The following SPOCK3 variants were observed in gnomAD, a reference collection of about 807,000 sequenced individuals.
SPOCK3 encodes the protein SPARC (osteonectin), cwcv and kazal like domains proteoglycan 3.
Under a neutral mutation model 56.6 loss-of-function variants are expected in SPOCK3, and 30 were observed. The observed-to-expected ratio is 0.53, with a 90% CI of 0.40 to 0.72. SPOCK3 has a LOEUF of 0.72. SPOCK3 is among the 30% of genes least tolerant of loss of function. The pLI, the probability that SPOCK3 is intolerant of heterozygous loss-of-function variation, is 0.00. For synonymous variants in SPOCK3, 196 were observed against 183.3 expected, an observed-to-expected ratio of 1.07 and a Z score of -0.56; for missense variants, 527 against 530.0, an observed-to-expected ratio of 0.99 and a Z score of 0.06.
chr4:166,804,390 T>C (rs1742935485), intron 6 of SPOCK3, among the ~76,000 whole-genome samples: 1 of 152,052 alleles, frequency 6.6e-6, no homozygotes, highest in Non-Finnish European at 1.5e-5. Context: ...TATTACCTTA[T>C]TTACCTCCTA....
chr4:166,743,612 A>G (rs1200339271), intron 8 of SPOCK3, among the ~76,000 whole-genome samples: 1 of 151,514 alleles, frequency 6.6e-6, no homozygotes, highest in Non-Finnish European at 1.5e-5. Flanking sequence ...ACTGGTCAGA[A>G]AATGGGTGCA....
At chr4:166,924,250 C>T (rs1738822224) in intron 4 of SPOCK3, among the ~76,000 whole-genome samples, 1 of 152,074 alleles carries the variant, frequency 6.6e-6, no homozygotes, top group Admixed American at 6.6e-5. Flanking sequence ...TTGGTAGGTT[C>T]AGCCTATCAA....
chr4:166,806,715 G>A (rs1560878960), intron 6 of SPOCK3, among the ~76,000 whole-genome samples: 4 of 151,872 alleles, frequency 2.6e-5, no homozygotes, highest in Non-Finnish European at 5.9e-5. Context: ...TACTATTAAT[G>A]CATTGTCTTA....
At chr4:166,926,315 T>C (rs1206904923) in intron 4 of SPOCK3, among the ~76,000 whole-genome samples, 5 of 152,168 alleles carry the variant, frequency 3.3e-5, no homozygotes, top group African/African-American at 1.2e-4. Flanking sequence ...CCCTATGGGC[T>C]CTTAGGAGTA....
At chr4:166,861,076 G>A (rs1731205037) in intron 6 of SPOCK3, among the ~76,000 whole-genome samples, 1 of 151,804 alleles carries the variant, frequency 6.6e-6, no homozygotes, top group Non-Finnish European at 1.5e-5. Context: ...TAAACAATTA[G>A]GATCATCCAA....
intron 4 of SPOCK3, among the ~76,000 whole-genome samples, chr4:166,931,937 T>C (rs911669437): frequency 3.9e-5 from 6 of 152,214 alleles, no homozygotes; most frequent in Non-Finnish European, 8.8e-5. Flanking sequence ...TCTCTTCCTT[T>C]CGTGACACTT....
intron 3 of SPOCK3, among the ~76,000 whole-genome samples, chr4:167,033,304 G>T (rs1752442814): frequency 6.6e-6 from 1 of 150,412 alleles, no homozygotes; most frequent in Admixed American, 6.6e-5. Context: ...ATAAAGAAAG[G>T]TAGCATAATT....
At chr4:167,095,472 AC>A (rs1378679748) in intron 2 of SPOCK3, among the ~76,000 whole-genome samples, 3 of 152,114 alleles carry the variant, frequency 2.0e-5, no homozygotes, top group Admixed American at 1.3e-4. Context: ...GAAACAAATT[AC>A]AAAAATTAGA....
At position 166,840,771 on chromosome 4, in the gene SPOCK3, G is replaced by GTTTTTTTTTTTTTTT. The variant is rs70955697; in HGVS notation, c.589+48344_589+48358dup. Among the ~76,000 whole-genome samples the GTTTTTTTTTTTTTTT allele has an allele frequency of 1.3e-4, 9 of 68,194 alleles. 2 individuals carry two copies. Among genetic ancestry groups the GTTTTTTTTTTTTTTT allele is most frequent in the Non-Finnish European group, 2.2e-4 (8 of 37,034 alleles). 44.7% of individuals were successfully genotyped at this position (68,194 alleles called of 152,430 possible). A position where few individuals can be genotyped will look rare whatever the true frequency, so the allele number is the denominator to read the frequency against. Reference sequence around the variant, plus strand: ...CTAATTCATCTTCCCAGAAGCAAAAGTTTTTTTTTTTTTTTTTTTTTTTTT... The same window carrying GTTTTTTTTTTTTTTT: ...CTAATTCATCTTCCCAGAAGCAAAAGTTTTTTTTTTTTTTTTTTTTTTTTTTTTTTTTTTTTTTTT... On this transcript the variant is annotated intron_variant, in intron 6 of 10. Transcript: ENST00000357545.
intron 2 of SPOCK3, among the ~76,000 whole-genome samples, chr4:167,092,083 CT>C (rs980510434): frequency 6.6e-6 from 1 of 152,048 alleles, no homozygotes; most frequent in African/African-American, 2.4e-5. Flanking sequence ...GCATTTCCAA[CT>C]GAGGTACCCA....
Position 166,751,959 on chromosome 4 carries a change from A to G in SPOCK3, c.931+2549T>C, listed in dbSNP as rs146953987. Among the ~76,000 whole-genome samples the G allele has an allele frequency of 6.6e-3, 1,009 of 152,262 alleles. 16 individuals are homozygous for G. The highest frequency in any genetic ancestry group is 0.023 in the African/African-American group (962 of 41,544). The stretch of plus-strand genomic sequence containing the variant: ...GCCATAGAAACAAATTTGTTTCTCA[A>G]TTAAAATTATAACATTTTTTTCCCT... On this transcript the variant is annotated intron_variant, in intron 8 of 10. Transcript: ENST00000357545.
chr4:166,754,390 A>G, intron 8 of SPOCK3, 118 bp downstream of exon 8: 1 of 1,408,120 alleles, frequency 7.1e-7, no homozygotes, highest in Non-Finnish European at 9.2e-7. Flanking sequence ...TCAACACTTG[A>G]ATTACAAAAA....
chr4:167,116,716 T>C (rs866609215), intron 2 of SPOCK3, among the ~76,000 whole-genome samples: 42 of 133,250 alleles, frequency 3.2e-4, no homozygotes, highest in African/African-American at 1.0e-3. Context: ...GTATATAGTA[T>C]ATATGTATAT....
chr4:167,100,470 C>A (rs1310035597), intron 2 of SPOCK3, among the ~76,000 whole-genome samples: 1 of 148,376 alleles, frequency 6.7e-6, no homozygotes, highest in Non-Finnish European at 1.5e-5. Context: ...CACACACACA[C>A]CCACATTCTC....
chr4:166,768,157 G>A lies in SPOCK3; in HGVS notation c.710-13428C>T, dbSNP rs562881830. Among the ~76,000 whole-genome samples the A allele has an allele frequency of 5.9e-5, 9 of 152,246 alleles. No homozygotes were observed. The East Asian group carries it at 1.7e-3, about 29-fold the overall frequency. On this transcript the variant is annotated intron_variant, in intron 7 of 10. Coordinates refer to ENST00000357545, the MANE Select transcript of SPOCK3 (RefSeq NM_001040159.2). Reference sequence around the variant, plus strand: ...CTCTTTATCCAATTTGCCAGTCTGTGTCTTTTAATTCGAGCATTTAGCCCA... The same window carrying A: ...CTCTTTATCCAATTTGCCAGTCTGTATCTTTTAATTCGAGCATTTAGCCCA...
chr4:167,195,104 G>C (rs1168918815), intron 2 of SPOCK3, among the ~76,000 whole-genome samples: 1 of 152,166 alleles, frequency 6.6e-6, no homozygotes, highest in African/African-American at 2.4e-5. Flanking sequence ...GCATGAGTAA[G>C]CAGAGTTGCA....
intron 7 of SPOCK3, among the ~76,000 whole-genome samples, chr4:166,774,901 T>C (rs1350415996): frequency 2.6e-5 from 4 of 152,158 alleles, no homozygotes; most frequent in Admixed American, 2.0e-4. Context: ...GATTTTCCTT[T>C]TGGATATGTT....
chr4:167,085,093 C>T (rs965769660), intron 2 of SPOCK3, among the ~76,000 whole-genome samples: 8 of 151,384 alleles, frequency 5.3e-5, no homozygotes, highest in African/African-American at 1.9e-4. Flanking sequence ...CTAATGTCAT[C>T]TAATTCAGGC....
chr4:166,735,238 T>C (rs977248023), intron 10 of SPOCK3, 148 bp from the exon 11 acceptor site: 2 of 591,832 alleles, frequency 3.4e-6, no homozygotes, highest in African/African-American at 1.9e-5. Context: ...AGATCCATTT[T>C]CTGGAAAATT....
Sources: gnomAD v4.1 joint callset for allele counts (sites outside exome capture counted in the v4.1 genomes callset) on GRCh38, gnomAD v4.1.1 for gene constraint, MANE v1.5 for transcripts, NCBI Gene and HGNC (gene_info 2026-07-23, HGNC 2026-07-21) for gene names.